Variants in LARGE1 observed in about 807,000 individuals in gnomAD.
LARGE1 encodes LARGE xylosyl- and glucuronyltransferase 1.
LARGE1 carries 43 observed loss-of-function variants against 87.6 expected under a neutral mutation model. The observed-to-expected ratio is 0.49, with a 90% confidence interval of 0.38 to 0.63. The LOEUF (loss-of-function observed/expected upper bound fraction) is 0.63, where lower values mean the gene tolerates loss of function less well. Ranked by LOEUF, LARGE1 falls within the 30% of genes least tolerant of loss-of-function variation. LARGE1 has a pLI of 0.00. For synonymous variants in LARGE1, 434 were observed against 394.6 expected (o/e 1.10, Z -1.18); for missense variants, 802 against 1,000.2 (o/e 0.80, Z 2.67).
chr22:33,405,392 G>A (rs984232092), intron 7 of LARGE1, among the ~76,000 whole-genome samples: 1 of 152,196 alleles, frequency 6.6e-6, no homozygotes, highest in African/African-American at 2.4e-5. Flanking sequence ...CTCTGGCCAA[G>A]TGTGTGGCTG....
chr22:33,653,688 G>A (rs1340099212), intron 2 of LARGE1, among the ~76,000 whole-genome samples: 1 of 152,208 alleles, frequency 6.6e-6, no homozygotes, highest in African/African-American at 2.4e-5. Flanking sequence ...GAGTTCCTGT[G>A]ACCCTTTCTC....
the LARGE1 span, among the ~76,000 whole-genome samples, chr22:33,084,209 A>G: frequency 2.6e-5 from 4 of 152,128 alleles, no homozygotes. Flanking sequence ...CCCCAAGCTG[A>G]GTTAGGTACA....
At chr22:33,395,441 T>C (rs2065706393) in intron 7 of LARGE1, among the ~76,000 whole-genome samples, 1 of 152,196 alleles carries the variant, frequency 6.6e-6, no homozygotes, top group East Asian at 1.9e-4. Context: ...CCCTTCTTTC[T>C]GCATCTGAAA....
chr22:33,291,086 T>A (rs1462144485), intron 12 of LARGE1, among the ~76,000 whole-genome samples: 1 of 151,288 alleles, frequency 6.6e-6, no homozygotes, highest in African/African-American at 2.4e-5. Flanking sequence ...TCTGCAAAAA[T>A]AAGTCAACAC....
At chr22:33,815,039 C>T (rs79938328) in intron 1 of LARGE1, among the ~76,000 whole-genome samples, 1 of 152,166 alleles carries the variant, frequency 6.6e-6, no homozygotes, top group Non-Finnish European at 1.5e-5. Context: ...CCAAAAGTCA[C>T]CATAATTCCT....
chr22:33,406,943 C>T lies in LARGE1; in HGVS notation c.893-22639G>A, dbSNP rs149447773. Among the ~76,000 whole-genome samples, 821 of 152,238 alleles carry T rather than the reference C, an allele frequency of 5.4e-3. 11 individuals carry two copies. Among genetic ancestry groups the T allele is most frequent in the African/African-American group, 0.019 (777 of 41,554 alleles). On this transcript the variant is annotated intron_variant, in intron 7 of 14. Transcript: ENST00000397394. The stretch of plus-strand genomic sequence containing the variant: ...AAGGAGCTGGGATTACAGGCACCCG[C>T]CACCACGCCCAGCAAATTTTTATAT...
the LARGE1 span, among the ~76,000 whole-genome samples, chr22:33,097,542 C>T: frequency 6.6e-6 from 1 of 152,134 alleles, no homozygotes; most frequent in Non-Finnish European, 1.5e-5. Flanking sequence ...TGATTTTTCC[C>T]CAAGTAAAGC....
the LARGE1 span, among the ~76,000 whole-genome samples, chr22:33,143,672 C>G: frequency 6.6e-6 from 1 of 152,018 alleles, no homozygotes; most frequent in Admixed American, 6.6e-5. Flanking sequence ...AAGAAAGACA[C>G]CTGCTCAACC....
intron 7 of LARGE1, among the ~76,000 whole-genome samples, chr22:33,395,226 CAA>C (rs3071528): frequency 1.5e-4 from 9 of 61,636 alleles, no homozygotes; most frequent in Admixed American, 2.0e-4. Flanking sequence ...GACTCTGCCT[CAA>C]AAAAAAAAAA....
intron 6 of LARGE1, among the ~76,000 whole-genome samples, chr22:33,475,440 T>G (rs1260441700): frequency 2.0e-5 from 3 of 147,166 alleles, no homozygotes; most frequent in Non-Finnish European, 3.0e-5. Context: ...ATTTATTTAT[T>G]TATTTATTTA....
intron 8 of LARGE1, 133 bp downstream of exon 8, chr22:33,384,059 G>C (rs774453655): frequency 3.9e-6 from 3 of 766,656 alleles, no homozygotes; most frequent in Non-Finnish European, 7.1e-6. Context: ...GCAAGAATAA[G>C]GCAGCTGTAT....
chr22:33,258,003 T>C (rs1251443197), intron 11 of LARGE1, among the ~76,000 whole-genome samples: 1 of 150,472 alleles, frequency 6.6e-6, no homozygotes, highest in Non-Finnish European at 1.5e-5. Context: ...TGGGGGGATT[T>C]ACCTGGATGG....
At chr22:33,280,425 G>A (rs1930212292) in intron 13 of LARGE1, among the ~76,000 whole-genome samples, 1 of 151,378 alleles carries the variant, frequency 6.6e-6, no homozygotes. Flanking sequence ...CAGTGATATT[G>A]ACAGCCATGT....
intron 11 of LARGE1, among the ~76,000 whole-genome samples, chr22:33,225,385 G>A (rs1925682788): frequency 6.6e-6 from 1 of 152,134 alleles, no homozygotes; most frequent in Non-Finnish European, 1.5e-5. Context: ...CAATGTGCTG[G>A]GCACTGTGCT....
In LARGE1 at chr22:33,640,201, G is replaced by A. The variant is rs151007107; in HGVS notation, c.408+10166C>T. Among the ~76,000 whole-genome samples the A allele has an allele frequency of 2.3e-3, 343 of 152,160 alleles. 2 individuals carry two copies. Among genetic ancestry groups the A allele is most frequent in the African/African-American group, 8.0e-3 (332 of 41,518 alleles). On this transcript the variant is annotated intron_variant, in intron 3 of 14. Coordinates refer to ENST00000397394, the MANE Select transcript of LARGE1 (RefSeq NM_133642.5). ...TCTTGTCTGCCTCTATGGCTTTTTC[G>A]TTAAAATCCTTAAAGACACCAAATG...
rs149452870 is a variant in LARGE1 at position 33,777,773 on chromosome 22, G to A, written c.-82-16215C>T. ...AGGAAGGACTAATGACCTTGAGGCC[G>A]AGCACAAGAACGGCTTGTTTAGGTG... is the stretch of plus-strand genomic sequence containing the variant. On this transcript the variant is annotated intron_variant, in intron 1 of 14. Transcript: ENST00000397394. 5.3e-3 allele frequency among the ~76,000 whole-genome samples: 804 copies of A among 152,250 alleles called. 7 individuals are homozygous for A. Among genetic ancestry groups the A allele is most frequent in the African/African-American group, 0.018 (758 of 41,552 alleles).
intron 3 of LARGE1, among the ~76,000 whole-genome samples, chr22:33,629,041 G>A (rs1179347633): frequency 1.3e-5 from 2 of 152,182 alleles, no homozygotes; most frequent in Admixed American, 1.3e-4. Flanking sequence ...AGCAATGTCA[G>A]ATCCCTCTGG....
intron 11 of LARGE1, among the ~76,000 whole-genome samples, chr22:33,227,430 C>A (rs1925796176): frequency 6.6e-6 from 1 of 152,130 alleles, no homozygotes; most frequent in Non-Finnish European, 1.5e-5. Flanking sequence ...TCAGAAGTAC[C>A]ATGACTCAGA....
At chr22:33,299,764 A>T (rs55873522) in intron 12 of LARGE1, among the ~76,000 whole-genome samples, 2,481 of 152,328 alleles carry the variant, frequency 0.016, 31 homozygotes, top group Non-Finnish European at 0.027. Flanking sequence ...AGTGTTGTGG[A>T]ACCTGGCTTC....
Sources: gnomAD v4.1 joint callset for allele counts (sites outside exome capture counted in the v4.1 genomes callset) on GRCh38, gnomAD v4.1.1 for gene constraint, MANE v1.5 for transcripts, NCBI Gene and HGNC (gene_info 2026-07-23, HGNC 2026-07-21) for gene names.